The following MEGF10 variants were observed in gnomAD, a reference collection of about 807,000 sequenced individuals.
MEGF10 encodes the protein multiple EGF like domains 10, also known as multiple epidermal growth factor-like domains protein 10.
MEGF10 carries 86 observed loss-of-function variants against 147.5 expected under a neutral mutation model. The observed-to-expected ratio is 0.58, with a 90% CI of 0.49 to 0.70. The LOEUF (loss-of-function observed/expected upper bound fraction) is 0.70, where lower values mean the gene tolerates loss of function less well. Among genes scored for constraint, MEGF10 ranks in the 30% least tolerant of loss-of-function variants. MEGF10 has a pLI of 0.00. For synonymous variants in MEGF10, 478 were observed against 525.5 expected, an observed-to-expected ratio of 0.91 and a Z score of 1.24; for missense variants, 1,329 against 1,487.3, an observed-to-expected ratio of 0.89 and a Z score of 1.75.
At position 127,383,754 on chromosome 5, in the gene MEGF10, AC is replaced by A. The variant is rs143543242; in HGVS notation, c.413-12777del. 4.7e-3 allele frequency among the ~76,000 whole-genome samples: 721 copies of A among 152,268 alleles called. 6 individuals carry two copies. Among genetic ancestry groups the A allele is most frequent in the African/African-American group, 0.017 (699 of 41,548 alleles). ...TTTATTTCTTGAATTCAGTGAGGAA[AC>A]AAATGTTATACAATGTTCATAAACA... On this transcript the variant is annotated intron_variant, in intron 5 of 24. Transcript: ENST00000503335.
intron 24 of MEGF10, among the ~76,000 whole-genome samples, chr5:127,456,690 C>A (rs190503344): frequency 3.9e-5 from 6 of 152,218 alleles, no homozygotes; most frequent in African/African-American, 4.8e-5. Context: ...AAACCTGCCA[C>A]AGTAGGATGG....
In MEGF10 at chr5:127,368,600, T is replaced by C. The variant is rs181985915; in HGVS notation, c.320-1310T>C. The stretch of plus-strand genomic sequence containing the variant: ...CAAACACTGCACCCAACAGAACTTA[T>C]TTCATTTGTTTCTCTTTTTACCTGT... On this transcript the variant is annotated intron_variant, in intron 4 of 24. Coordinates refer to ENST00000503335, the MANE Select transcript of MEGF10 (RefSeq NM_001256545.2). Among the ~76,000 whole-genome samples, 58 of 152,310 alleles carry C rather than the reference T, an allele frequency of 3.8e-4. 1 individual carries two copies. The highest frequency in any genetic ancestry group is 1.5e-3 in the Admixed American group (23 of 15,292).
Position 127,449,153 on chromosome 5 carries a change from G to T in MEGF10, c.2911G>T (p.Gly971Cys). Residue 971 changes from glycine (G) to cysteine (C), a missense_variant, in exon 22 of 25, where the codon GGC becomes TGC. By Grantham distance (159) the Gly-to-Cys change is radical. Coordinates refer to ENST00000503335, the MANE Select transcript of MEGF10 (RefSeq NM_001256545.2). ...TAAAAATGTGAACCCTGGGAAGAGA[G>T]GCCCTGTGGGGGACTGCACTGGGAC... ...NLKNVNPGKR[G>C]PVGDCTGTLP... The T allele has an allele frequency of 1.9e-6, 3 of 1,614,110 alleles. No homozygotes were observed. Among genetic ancestry groups the T allele is most frequent in the Non-Finnish European group, 2.5e-6 (3 of 1,180,004 alleles).
At chr5:127,417,272 A>G (rs75069949) in intron 9 of MEGF10, among the ~76,000 whole-genome samples, 2,058 of 152,322 alleles carry the variant, frequency 0.014, 29 homozygotes, top group East Asian at 0.047. Context: ...GGGACATCAT[A>G]CTAGTTAACT....
chr5:127,457,603 C>A lies in MEGF10; in HGVS notation c.*285C>A, dbSNP rs1394902092. The A allele has an allele frequency of 2.7e-6, 1 of 371,652 alleles. No individual in the cohort carries two copies. 23.0% of individuals were successfully genotyped at this position (371,652 alleles called of 1,614,324 possible). A position where few individuals can be genotyped will look rare whatever the true frequency, so the allele number is the denominator to read the frequency against. ...GATGTTGGCTGAAAGCATGAACTTG[C>A]AGAACTCCCTCGGAGACGCAGGTTG... On this transcript the variant is annotated 3_prime_UTR_variant, in exon 25 of 25. Coordinates refer to ENST00000503335, the MANE Select transcript of MEGF10 (RefSeq NM_001256545.2).
At chr5:127,400,509 G>A (rs1234439103) in intron 7 of MEGF10, among the ~76,000 whole-genome samples, 3 of 152,196 alleles carry the variant, frequency 2.0e-5, no homozygotes, top group African/African-American at 7.2e-5. Context: ...GACTCCTCCT[G>A]TTCTTTCATT....
chr5:127,248,209 GA>G, the MEGF10 span, among the ~76,000 whole-genome samples: 7 of 152,168 alleles, frequency 4.6e-5, no homozygotes, highest in African/African-American at 1.7e-4. Flanking sequence ...AAGCCTGAAG[GA>G]TCAAGAGAAT....
intron 6 of MEGF10, among the ~76,000 whole-genome samples, chr5:127,397,501 GAGAT>G (rs1351297463): frequency 6.6e-6 from 1 of 152,124 alleles, no homozygotes; most frequent in Non-Finnish European, 1.5e-5. Context: ...AAAAAAGTAA[GAGAT>G]AGAAAAATCC....
At chr5:127,439,900 T>C (rs974870548) in intron 17 of MEGF10, among the ~76,000 whole-genome samples, 3 of 152,166 alleles carry the variant, frequency 2.0e-5, no homozygotes, top group African/African-American at 7.2e-5. Flanking sequence ...GCTAAATAAA[T>C]GCATGACAGC....
intron 7 of MEGF10, among the ~76,000 whole-genome samples, chr5:127,399,633 A>G (rs368173642): frequency 4.2e-4 from 64 of 152,118 alleles, no homozygotes; most frequent in African/African-American, 1.5e-3. Flanking sequence ...TAATTACCAA[A>G]ACCCTTCTGT....
chr5:127,356,430 C>T (rs1325797121), intron 4 of MEGF10, among the ~76,000 whole-genome samples: 1 of 152,122 alleles, frequency 6.6e-6, no homozygotes, highest in African/African-American at 2.4e-5. Flanking sequence ...CAGAGAGCTC[C>T]AAGAGAGTTA....
At chr5:127,293,517 G>A (rs546627113) in intron 1 of MEGF10, among the ~76,000 whole-genome samples, 2 of 152,280 alleles carry the variant, frequency 1.3e-5, no homozygotes, top group South Asian at 4.1e-4. Flanking sequence ...GAAGTAGTAA[G>A]TCTTCTGTGA....
At chr5:127,249,166 A>T in the MEGF10 span, among the ~76,000 whole-genome samples, 1 of 152,042 alleles carries the variant, frequency 6.6e-6, no homozygotes, top group Non-Finnish European at 1.5e-5. Flanking sequence ...GGCATTTCTA[A>T]TATATGTAAT....
At chr5:127,355,370 A>G (rs545128382) in intron 4 of MEGF10, among the ~76,000 whole-genome samples, 46 of 152,310 alleles carry the variant, frequency 3.0e-4, no homozygotes, top group African/African-American at 5.5e-4. Context: ...GAGTAGAGAT[A>G]AAAGTGAGAC....
intron 4 of MEGF10, among the ~76,000 whole-genome samples, chr5:127,363,479 A>G (rs1191571996): frequency 6.6e-6 from 1 of 152,178 alleles, no homozygotes; most frequent in Admixed American, 6.5e-5. Context: ...GGCAGCAGGA[A>G]GGAGAAAGAG....
chr5:127,407,408 A>C (rs989630640), intron 8 of MEGF10, among the ~76,000 whole-genome samples: 5 of 152,278 alleles, frequency 3.3e-5, no homozygotes, highest in African/African-American at 1.2e-4. Flanking sequence ...GTTCACAATG[A>C]CATACAACAT....
At chr5:127,311,805 G>GT (rs1760298024) in intron 1 of MEGF10, among the ~76,000 whole-genome samples, 1 of 152,218 alleles carries the variant, frequency 6.6e-6, no homozygotes, top group African/African-American at 2.4e-5. Flanking sequence ...AAGGCTGGCA[G>GT]TAAGTTTCTC....
chr5:127,389,934 T>A (rs973719715), intron 5 of MEGF10, among the ~76,000 whole-genome samples: 2 of 152,162 alleles, frequency 1.3e-5, no homozygotes, highest in African/African-American at 4.8e-5. Flanking sequence ...GGAAGAGATA[T>A]GTAAAGCATA....
At chr5:127,237,758 T>C in the MEGF10 span, among the ~76,000 whole-genome samples, 1 of 152,188 alleles carries the variant, frequency 6.6e-6, no homozygotes, top group Non-Finnish European at 1.5e-5. Context: ...ATTTGAGGAC[T>C]CAGGGCCAGG....
Sources: allele counts gnomAD v4.1 joint callset (sites outside exome capture counted in the v4.1 genomes callset), GRCh38; gene constraint gnomAD v4.1.1; transcripts MANE v1.5; gene names NCBI Gene and HGNC (gene_info 2026-07-23, HGNC 2026-07-21).